The following DDAH1 variants were observed in gnomAD, a reference collection of about 807,000 sequenced individuals.
The protein encoded by DDAH1 is dimethylarginine dimethylaminohydrolase 1, also known as N(G),N(G)-dimethylarginine dimethylaminohydrolase 1.
DDAH1 carries 19 observed loss-of-function variants against 28.8 expected under a neutral mutation model. The observed-to-expected ratio is 0.66, with a 90% confidence interval of 0.46 to 0.97. The LOEUF (loss-of-function observed/expected upper bound fraction) is 0.97. Among genes scored for constraint, DDAH1 ranks in the 50% least tolerant of loss-of-function variants. DDAH1 has a pLI of 0.00. For missense variants in DDAH1, 326 were observed against 375.9 expected (o/e 0.87, Z 1.10); for synonymous variants, 153 against 154.4 (o/e 0.99, Z 0.07).
chr1:85,539,739 A>G (rs1463183648), intron 1 of DDAH1, among the ~76,000 whole-genome samples: 3 of 152,084 alleles, frequency 2.0e-5, no homozygotes, highest in Non-Finnish European at 4.4e-5. Flanking sequence ...AGTGTCCCAG[A>G]TAGGTTCCAT....
Position 85,463,662 on chromosome 1 carries a change from A to C in DDAH1, c.303+1081T>G, listed in dbSNP as rs887872357. Among the ~76,000 whole-genome samples the C allele has an allele frequency of 2.0e-5, 3 of 152,268 alleles. No individual in the cohort carries two copies. The East Asian group carries it at 5.8e-4, about 29-fold the overall frequency. ...CATTCCATCAACCAAGTAGTGGAGCAGGTGAGGAATAAGCATATTTTATCA... is the reference window on the plus strand; with the variant it reads ...CATTCCATCAACCAAGTAGTGGAGCCGGTGAGGAATAAGCATATTTTATCA... On this transcript the variant is annotated intron_variant, in intron 1 of 5. Transcript: ENST00000284031.
chr1:85,433,550 T>A (rs980327454), intron 1 of DDAH1, among the ~76,000 whole-genome samples: 2 of 152,188 alleles, frequency 1.3e-5, no homozygotes, highest in African/African-American at 4.8e-5. Flanking sequence ...TTACAGGTAT[T>A]ATCGTCAATC....
chr1:85,474,820 G>T (rs531501993), intron 2 of DDAH1, among the ~76,000 whole-genome samples: 2 of 152,036 alleles, frequency 1.3e-5, no homozygotes, highest in Non-Finnish European at 2.9e-5. Flanking sequence ...ATTATACTAG[G>T]CCCCTTCCAG....
chr1:85,409,887 C>T (rs1458066821), intron 1 of DDAH1, among the ~76,000 whole-genome samples: 1 of 152,226 alleles, frequency 6.6e-6, no homozygotes, highest in Admixed American at 6.5e-5. Context: ...TACTAGTCCT[C>T]AGCCCTACTT....
intron 1 of DDAH1, among the ~76,000 whole-genome samples, chr1:85,407,318 G>A (rs1470753729): frequency 2.0e-5 from 3 of 152,156 alleles, no homozygotes; most frequent in Non-Finnish European, 2.9e-5. Context: ...AACTGAGAGC[G>A]GAGCTGGCCA....
chr1:85,347,186 A>T (rs1193601058), intron 4 of DDAH1, among the ~76,000 whole-genome samples: 1 of 152,246 alleles, frequency 6.6e-6, no homozygotes, highest in East Asian at 1.9e-4. Flanking sequence ...AACTAGTTCA[A>T]CCATTGTGGA....
Position 85,564,260 on chromosome 1 carries a change from C to T in DDAH1, c.-123+13724G>A, listed in dbSNP as rs563025944. Among the ~76,000 whole-genome samples the T allele has an allele frequency of 2.0e-5, 3 of 152,136 alleles. No individual in the cohort carries two copies. The South Asian group carries it at 6.2e-4, about 32-fold the overall frequency. ...AATGTGATTAACAGCAGATTATATA[C>T]CTCCCATAAAAGATTAATGAACTTG... On this transcript the variant is annotated intron_variant, in intron 1 of 6. Coordinates refer to the DDAH1 transcript ENST00000426972.
At chr1:85,339,154 C>T (rs12035116) in intron 4 of DDAH1, among the ~76,000 whole-genome samples, 18,954 of 151,710 alleles carry the variant, frequency 0.12, 1,525 homozygotes, top group South Asian at 0.29. Context: ...GAGTTCTTAT[C>T]GTTTGCCAGG....
chr1:85,422,028 TA>T (rs1268900770), intron 1 of DDAH1, among the ~76,000 whole-genome samples: 1 of 152,200 alleles, frequency 6.6e-6, no homozygotes, highest in Admixed American at 6.5e-5. Flanking sequence ...CTGTTCTTAC[TA>T]GCAATAAAAA....
chr1:85,424,985 A>G (rs1047079489), intron 1 of DDAH1, among the ~76,000 whole-genome samples: 7 of 152,124 alleles, frequency 4.6e-5, no homozygotes, highest in African/African-American at 1.7e-4. Context: ...TCTGTAGAAA[A>G]GAGTATCCCT....
intron 1 of DDAH1, among the ~76,000 whole-genome samples, chr1:85,402,309 A>G (rs1652153265): frequency 6.6e-6 from 1 of 151,950 alleles, no homozygotes; most frequent in Non-Finnish European, 1.5e-5. Flanking sequence ...GCCTGAAAGT[A>G]CAGTCTTTTA....
chr1:85,426,912 T>TAAAA (rs1406621060), intron 1 of DDAH1, among the ~76,000 whole-genome samples: 11 of 20,354 alleles, frequency 5.4e-4, no homozygotes, highest in African/African-American at 1.4e-3. Flanking sequence ...CTCTGATTCT[T>TAAAA]AAAAAAAACA....
chr1:85,450,587 A>G (rs1209577973), intron 1 of DDAH1, among the ~76,000 whole-genome samples: 1 of 152,224 alleles, frequency 6.6e-6, no homozygotes, highest in Admixed American at 6.5e-5. Flanking sequence ...TTCACTCATC[A>G]TAACATTGCC....
At chr1:85,407,169 T>C (rs568480760) in intron 1 of DDAH1, among the ~76,000 whole-genome samples, 11 of 152,198 alleles carry the variant, frequency 7.2e-5, no homozygotes, top group Admixed American at 4.6e-4. Context: ...GACTTTCCCA[T>C]TGCCCCAGTA....
At chr1:85,499,214 T>C (rs1031957736) in intron 1 of DDAH1, among the ~76,000 whole-genome samples, 3 of 152,068 alleles carry the variant, frequency 2.0e-5, no homozygotes, top group Admixed American at 6.5e-5. Context: ...AAAAAGAATA[T>C]ATATATTTTT....
intron 4 of DDAH1, among the ~76,000 whole-genome samples, chr1:85,334,087 T>C (rs1433292687): frequency 2.0e-5 from 3 of 152,134 alleles, no homozygotes; most frequent in Non-Finnish European, 4.4e-5. Flanking sequence ...AGGGAAGTAA[T>C]TGGATCACGG....
intron 1 of DDAH1, among the ~76,000 whole-genome samples, chr1:85,520,081 CTT>C (rs1657628798): frequency 6.6e-6 from 1 of 151,856 alleles, no homozygotes; most frequent in South Asian, 2.1e-4. Flanking sequence ...AATGTGTAGT[CTT>C]ATATCCTTCA....
chr1:85,434,197 C>T (rs1653829500), intron 1 of DDAH1, among the ~76,000 whole-genome samples: 2 of 152,078 alleles, frequency 1.3e-5, no homozygotes, highest in Non-Finnish European at 2.9e-5. Flanking sequence ...TTAGTTATTA[C>T]ATTTAACATT....
At chr1:85,500,878 T>TTC (rs1553142518) in intron 1 of DDAH1, among the ~76,000 whole-genome samples, 33 of 152,224 alleles carry the variant, frequency 2.2e-4, no homozygotes, top group African/African-American at 7.9e-4. Context: ...GATTTTTTTT[T>TTC]CATTTTAGGT....
Sources: gnomAD v4.1 joint callset for allele counts (sites outside exome capture counted in the v4.1 genomes callset) on GRCh38, gnomAD v4.1.1 for gene constraint, MANE v1.5 for transcripts, NCBI Gene and HGNC (gene_info 2026-07-23, HGNC 2026-07-21) for gene names.